DPP6: variants seen among roughly 807,000 people sequenced by gnomAD.
DPP6 encodes A-type potassium channel modulatory protein DPP6.
In DPP6, 69 loss-of-function variants were observed where a neutral mutation model predicts 122.6. The ratio of observed to expected loss-of-function variants is 0.56; its 90% CI spans 0.46 to 0.69. The LOEUF (loss-of-function observed/expected upper bound fraction) is 0.69. DPP6 is among the 30% of genes least tolerant of loss of function. The pLI is 0.00. For missense variants in DPP6, 928 were observed against 1,116.9 expected, an observed-to-expected ratio of 0.83 and a Z score of 2.41; for synonymous variants, 418 against 433.1, an observed-to-expected ratio of 0.97 and a Z score of 0.43.
intron 6 of DPP6, among the ~76,000 whole-genome samples, chr7:154,653,590 AATAGACTGATTGATTGATAGATG>A (rs1386958139): frequency 6.6e-6 from 1 of 151,400 alleles, no homozygotes; most frequent in Non-Finnish European, 1.5e-5. Flanking sequence ...GGTGATAGAT[AATAGACTGATTGATTGATAGATG>A]ATAGACTGAT....
intron 3 of DPP6, among the ~76,000 whole-genome samples, chr7:154,514,008 C>A (rs997343109): frequency 6.6e-6 from 1 of 152,158 alleles, no homozygotes; most frequent in African/African-American, 2.4e-5. Flanking sequence ...GGCACGGTGG[C>A]TTATGCCTGT....
intron 1 of DPP6, among the ~76,000 whole-genome samples, chr7:154,110,117 A>G (rs1044774739): frequency 5.9e-5 from 9 of 151,614 alleles, no homozygotes; most frequent in African/African-American, 2.2e-4. Context: ...GTGCTTCCTA[A>G]CATTTGTCAA....
the DPP6 span, among the ~76,000 whole-genome samples, chr7:153,811,708 A>C: frequency 6.6e-6 from 1 of 152,172 alleles, no homozygotes; most frequent in Non-Finnish European, 1.5e-5. Flanking sequence ...CTCTGCTCTT[A>C]AAGTCACAAA....
intron 1 of DPP6, among the ~76,000 whole-genome samples, chr7:154,297,552 G>A (rs931018715): frequency 1.3e-5 from 2 of 152,200 alleles, no homozygotes; most frequent in African/African-American, 4.8e-5. Flanking sequence ...GAACACAATG[G>A]ATAGGAGTAA....
intron 17 of DPP6, among the ~76,000 whole-genome samples, chr7:154,859,450 T>G (rs1384090633): frequency 6.6e-6 from 1 of 152,224 alleles, no homozygotes; most frequent in Non-Finnish European, 1.5e-5. Context: ...CAAAGGGGGC[T>G]CTGGAAGGCT....
intron 1 of DPP6, among the ~76,000 whole-genome samples, chr7:154,223,597 G>T (rs1361403623): frequency 6.7e-6 from 1 of 149,242 alleles, no homozygotes; most frequent in African/African-American, 2.6e-5. Flanking sequence ...ATGAGTAGAA[G>T]ATGAAGAATG....
At chr7:154,620,718 T>C (rs1453700948) in intron 5 of DPP6, among the ~76,000 whole-genome samples, 3 of 152,258 alleles carry the variant, frequency 2.0e-5, no homozygotes, top group Non-Finnish European at 4.4e-5. Context: ...CGTCAGCAAG[T>C]AGCACATGCT....
chr7:153,859,095 A>C, the DPP6 span, among the ~76,000 whole-genome samples: 2 of 152,316 alleles, frequency 1.3e-5, no homozygotes, highest in East Asian at 3.9e-4. Flanking sequence ...TCAGAAAGTA[A>C]AAAGCTGTTC....
chr7:154,707,377 T>G (rs1840893288), intron 7 of DPP6, among the ~76,000 whole-genome samples: 1 of 152,144 alleles, frequency 6.6e-6, no homozygotes, highest in African/African-American at 2.4e-5. Flanking sequence ...AAATGATTTT[T>G]TTTGCCATAT....
chr7:154,242,485 G>T (rs576887028), intron 1 of DPP6, among the ~76,000 whole-genome samples: 1 of 152,152 alleles, frequency 6.6e-6, no homozygotes, highest in Non-Finnish European at 1.5e-5. Flanking sequence ...AGAGTGACTG[G>T]CATTGGGCAT....
At chr7:153,883,443 C>T (rs528558873), upstream of DPP6, among the ~76,000 whole-genome samples, 1 of 152,036 alleles carries the variant, frequency 6.6e-6, no homozygotes, top group East Asian at 1.9e-4. Context: ...AGTGCAATGG[C>T]ACAATCTCGG....
At chr7:154,702,086 T>G (rs12668998) in intron 7 of DPP6, among the ~76,000 whole-genome samples, 22,693 of 152,224 alleles carry the variant, frequency 0.15, 1,844 homozygotes, top group East Asian at 0.3. Context: ...CTGTTATGGT[T>G]ATCTGGGATT....
intron 8 of DPP6, among the ~76,000 whole-genome samples, chr7:154,732,529 T>C (rs1842389134): frequency 6.6e-6 from 1 of 152,162 alleles, no homozygotes; most frequent in South Asian, 2.1e-4. Flanking sequence ...ACAACATCTT[T>C]CCTTATGTAT....
chr7:154,878,997 G>A (rs1367260962), intron 20 of DPP6, among the ~76,000 whole-genome samples: 2 of 152,186 alleles, frequency 1.3e-5, no homozygotes, highest in Non-Finnish European at 2.9e-5. Flanking sequence ...AAAACACAGG[G>A]ACTCTCTGCC....
At chr7:154,447,044 G>A (rs1819938010) in intron 2 of DPP6, among the ~76,000 whole-genome samples, 2 of 152,308 alleles carry the variant, frequency 1.3e-5, no homozygotes, top group East Asian at 1.9e-4. Flanking sequence ...GGTGGCTTAT[G>A]CCTGTAATCC....
intron 7 of DPP6, among the ~76,000 whole-genome samples, chr7:154,696,025 C>T (rs1303026791): frequency 6.6e-6 from 1 of 152,234 alleles, no homozygotes; most frequent in Admixed American, 6.5e-5. Context: ...CCTGTGGCAG[C>T]ACGGGCCTTG....
rs369173693 is a variant in DPP6 at position 154,091,406 on chromosome 7, A to G, written c.243+38343A>G. ...CTTATAGCTTCTCATAGCTGGGCAT[A>G]TTTCTATTTCCTGGGTTATCTGAAT... is the stretch of plus-strand genomic sequence containing the variant. On this transcript the variant is annotated intron_variant, in intron 1 of 25. Coordinates refer to ENST00000377770, the MANE Select transcript of DPP6 (RefSeq NM_130797.4). Among the ~76,000 whole-genome samples the G allele has an allele frequency of 2.9e-4, 43 of 150,794 alleles. No homozygotes were observed. The East Asian group carries it at 2.9e-3, about 10-fold the overall frequency.
chr7:153,990,212 T>G, intron 1 of DPP6, among the ~76,000 whole-genome samples: 1 of 60,976 alleles, frequency 1.6e-5, no homozygotes, highest in African/African-American at 5.6e-5. Context: ...AATCTCTTAG[T>G]AAGCCCCACC....
the DPP6 span, among the ~76,000 whole-genome samples, chr7:153,870,971 G>T: frequency 6.6e-6 from 1 of 152,282 alleles, no homozygotes; most frequent in Middle Eastern, 3.4e-3. Flanking sequence ...AGCAGATATT[G>T]GTGAACCTCA....
Sources: allele counts gnomAD v4.1 joint callset (sites outside exome capture counted in the v4.1 genomes callset), GRCh38; gene constraint gnomAD v4.1.1; transcripts MANE v1.5; gene names NCBI Gene and HGNC (gene_info 2026-07-23, HGNC 2026-07-21).